The following CYYR1 variants were observed in gnomAD, a reference collection of about 807,000 sequenced individuals.
CYYR1 encodes cysteine and tyrosine rich 1, also known as cysteine and tyrosine-rich protein 1.
Under a neutral mutation model 15.2 loss-of-function variants are expected in CYYR1, and 14 were observed. The observed-to-expected ratio is 0.92, with a 90% confidence interval of 0.61 to 1.44. The LOEUF (loss-of-function observed/expected upper bound fraction) is 1.44. CYYR1 is among the 40% of genes most tolerant of loss of function. CYYR1 has a pLI of 0.00. For synonymous variants in CYYR1, 80 were observed against 77.4 expected, an observed-to-expected ratio of 1.03 and a Z score of -0.18; for missense variants, 228 against 209.5, an observed-to-expected ratio of 1.09 and a Z score of -0.54.
chr21:26,548,884 A>G (rs972815340), intron 2 of CYYR1, among the ~76,000 whole-genome samples: 5 of 152,230 alleles, frequency 3.3e-5, no homozygotes, highest in Non-Finnish European at 5.9e-5. Context: ...TGAAATCTCT[A>G]CTTTTCACTG....
At chr21:26,478,158 A>C (rs1263042277) in intron 3 of CYYR1, 1 of 1,548,940 alleles carries the variant, frequency 6.5e-7, no homozygotes. Flanking sequence ...AATGAACAAT[A>C]AACAATCAAC....
rs554535563 is a variant in CYYR1, at chr21:26,563,503, C to T, written c.176+2763G>A. ...ATGAGAATTGCTTGAACTCAGGAGG[C>T]GGAGGCTGCAGTGAGCTGAGATTGT... On this transcript the variant is annotated intron_variant, in intron 2 of 3. Coordinates refer to ENST00000652641, the MANE Select transcript of CYYR1 (RefSeq NM_001320768.2). Among the ~76,000 whole-genome samples, 7 of 152,100 alleles carry T rather than the reference C, an allele frequency of 4.6e-5. No individual in the cohort carries two copies. In the South Asian group the frequency reaches 8.3e-4, roughly 18 times the overall value.
At chr21:26,522,681 A>G (rs222930) in intron 2 of CYYR1, among the ~76,000 whole-genome samples, 92,335 of 152,040 alleles carry the variant, frequency 0.61, 28,204 homozygotes, top group East Asian at 0.79. Context: ...ATAAAACACC[A>G]CGTTCCTGCC....
Position 26,548,989 on chromosome 21 carries a change from T to C in CYYR1, c.176+17277A>G, listed in dbSNP as rs554522656. 5.9e-5 allele frequency among the ~76,000 whole-genome samples: 9 copies of C among 152,294 alleles called. No individual in the cohort carries two copies. The East Asian group carries it at 7.7e-4, about 13-fold the overall frequency. Reference sequence around the variant, plus strand: ...GGAATACATGATAAATATGTTTTTGTTCCTTGTGTGCAAATACAGGCTTAA... The same window carrying C: ...GGAATACATGATAAATATGTTTTTGCTCCTTGTGTGCAAATACAGGCTTAA... On this transcript the variant is annotated intron_variant, in intron 2 of 3. Transcript: ENST00000652641.
chr21:26,474,493 C>T (rs1346409861), intron 3 of CYYR1, among the ~76,000 whole-genome samples: 1 of 149,996 alleles, frequency 6.7e-6, no homozygotes, highest in Non-Finnish European at 1.5e-5. Flanking sequence ...CCTGCCTTAG[C>T]CTCAGTAGTA....
At chr21:26,485,450 A>C (rs955581112) in intron 2 of CYYR1, among the ~76,000 whole-genome samples, 3 of 152,092 alleles carry the variant, frequency 2.0e-5, no homozygotes, top group Non-Finnish European at 2.9e-5. Flanking sequence ...CCCTTTCGCT[A>C]TTACTTTGCT....
chr21:26,495,334 C>G (rs1309498471), intron 2 of CYYR1, among the ~76,000 whole-genome samples: 1 of 152,180 alleles, frequency 6.6e-6, no homozygotes, highest in Non-Finnish European at 1.5e-5. Context: ...AAGCTTGCAA[C>G]AGTTAGGGCT....
At chr21:26,540,775 A>T (rs1236776631) in intron 2 of CYYR1, among the ~76,000 whole-genome samples, 2 of 152,238 alleles carry the variant, frequency 1.3e-5, no homozygotes, top group African/African-American at 4.8e-5. Context: ...ATTATTCCAT[A>T]CATAGTCAAG....
chr21:26,567,022 A>T (rs944825394), intron 1 of CYYR1, among the ~76,000 whole-genome samples: 2 of 146,390 alleles, frequency 1.4e-5, no homozygotes, highest in Non-Finnish European at 3.0e-5. Flanking sequence ...AAAAAAAAAA[A>T]AAAAAAGAGT....
intron 3 of CYYR1, chr21:26,470,969 C>T (rs1270507582): frequency 6.6e-6 from 1 of 152,216 alleles, no homozygotes; most frequent in Non-Finnish European, 1.5e-5. Context: ...GAACACAGCT[C>T]TGTAAATACA....
chr21:26,557,595 G>A (rs1317341383), intron 2 of CYYR1, among the ~76,000 whole-genome samples: 2 of 152,090 alleles, frequency 1.3e-5, no homozygotes, highest in Non-Finnish European at 2.9e-5. Context: ...TGTAAAGAGG[G>A]GAGAAATCTC....
At chr21:26,506,965 G>C (rs1431853459) in intron 2 of CYYR1, among the ~76,000 whole-genome samples, 1 of 152,110 alleles carries the variant, frequency 6.6e-6, no homozygotes, top group African/African-American at 2.4e-5. Flanking sequence ...TATAAGCTTT[G>C]AGTTTGTATT....
At chr21:26,555,427 C>T (rs748999430) in intron 2 of CYYR1, among the ~76,000 whole-genome samples, 2 of 152,098 alleles carry the variant, frequency 1.3e-5, no homozygotes, top group Non-Finnish European at 2.9e-5. Context: ...TTGCAAAATG[C>T]AGCATAGAGA....
At chr21:26,476,302 G>T (rs2065102263) in intron 3 of CYYR1, among the ~76,000 whole-genome samples, 1 of 152,018 alleles carries the variant, frequency 6.6e-6, no homozygotes, top group Non-Finnish European at 1.5e-5. Flanking sequence ...ACACTCAAAG[G>T]TCCATGATCT....
chr21:26,475,158 T>C (rs1161979034), intron 3 of CYYR1, among the ~76,000 whole-genome samples: 1 of 152,218 alleles, frequency 6.6e-6, no homozygotes, highest in Non-Finnish European at 1.5e-5. Flanking sequence ...CATACATTTC[T>C]TTAGACATTT....
chr21:26,558,951 G>C (rs1465215272), intron 2 of CYYR1, among the ~76,000 whole-genome samples: 1 of 152,002 alleles, frequency 6.6e-6, no homozygotes, highest in African/African-American at 2.4e-5. Flanking sequence ...ATGTCTCCTT[G>C]GGCATATTTG....
chr21:26,493,356 T>C (rs187559378), intron 2 of CYYR1, among the ~76,000 whole-genome samples: 254 of 152,266 alleles, frequency 1.7e-3, no homozygotes, highest in Middle Eastern at 3.4e-3. Flanking sequence ...CCAGGCATTC[T>C]AATTAAAAGA....
At chr21:26,501,868 G>A (rs1262389483) in intron 2 of CYYR1, among the ~76,000 whole-genome samples, 2 of 152,172 alleles carry the variant, frequency 1.3e-5, no homozygotes, top group African/African-American at 2.4e-5. Context: ...GAGGTGATGA[G>A]TATTATTAAA....
intron 2 of CYYR1, among the ~76,000 whole-genome samples, chr21:26,502,111 A>G (rs1364782361): frequency 1.3e-5 from 2 of 152,202 alleles, no homozygotes; most frequent in African/African-American, 4.8e-5. Flanking sequence ...GCACTGATTT[A>G]TGCACCCCAA....
Sources: allele counts gnomAD v4.1 joint callset (sites outside exome capture counted in the v4.1 genomes callset), GRCh38; gene constraint gnomAD v4.1.1; transcripts MANE v1.5; gene names NCBI Gene and HGNC (gene_info 2026-07-23, HGNC 2026-07-21).